LRBA: variants seen among roughly 807,000 people sequenced by gnomAD.
LRBA encodes LPS responsive beige-like anchor protein.
In LRBA, 176 loss-of-function variants were observed where a neutral mutation model predicts 330.0. The ratio of observed to expected loss-of-function variants is 0.53; its 90% confidence interval spans 0.47 to 0.60. The LOEUF is 0.60. LRBA is among the 20% of genes least tolerant of loss of function. The pLI, the probability that LRBA is intolerant of heterozygous loss-of-function variation, is 0.00. For missense variants in LRBA, 3,259 were observed against 3,444.8 expected, an observed-to-expected ratio of 0.95 and a Z score of 1.35; for synonymous variants, 1,230 against 1,193.0, an observed-to-expected ratio of 1.03 and a Z score of -0.64.
chr4:150,501,850 T>C (rs1760323973), intron 40 of LRBA, among the ~76,000 whole-genome samples: 1 of 152,106 alleles, frequency 6.6e-6, no homozygotes, highest in African/African-American at 2.4e-5. Context: ...ATATTAAATA[T>C]TAAGCAATAA....
chr4:150,874,824 C>G (rs1418852031), intron 17 of LRBA, among the ~76,000 whole-genome samples: 6 of 152,128 alleles, frequency 3.9e-5, no homozygotes, highest in Admixed American at 3.9e-4. Flanking sequence ...GAGCCCTATT[C>G]CACGTGGTGC....
chr4:150,958,065 C>A, intron 2 of LRBA, among the ~76,000 whole-genome samples: 1 of 149,164 alleles, frequency 6.7e-6, no homozygotes, highest in East Asian at 1.9e-4. Context: ...TTGTGGCCCT[C>A]TTCTCACAGC....
intron 17 of LRBA, among the ~76,000 whole-genome samples, chr4:150,879,389 G>A (rs1319629840): frequency 6.6e-6 from 1 of 152,052 alleles, no homozygotes; most frequent in Non-Finnish European, 1.5e-5. Flanking sequence ...GAGCCATCTA[G>A]GGTAAACCCA....
rs190606923 is a variant in LRBA, at chr4:150,306,590, C to G, written c.7849+3639G>C. On this transcript the variant is annotated intron_variant, in intron 52 of 56. Transcript: ENST00000651943. ...TATTTCACAAGCTAAGTCAGTCCCA[C>G]TGAAATGAAGTTTAAGGCTATTCCT... Among the ~76,000 whole-genome samples the G allele has an allele frequency of 2.2e-3, 341 of 152,198 alleles. 1 individual carries two copies. Among genetic ancestry groups the G allele is most frequent in the Non-Finnish European group, 3.8e-3 (260 of 68,022 alleles).
chr4:150,890,390 C>T (rs574868084), intron 17 of LRBA, among the ~76,000 whole-genome samples: 43 of 152,014 alleles, frequency 2.8e-4, no homozygotes, highest in South Asian at 4.2e-4. Context: ...CAAGGGCAGA[C>T]GGGAGTTTTT....
intron 40 of LRBA, among the ~76,000 whole-genome samples, chr4:150,543,263 A>G (rs756260670): frequency 2.0e-5 from 3 of 152,166 alleles, no homozygotes; most frequent in Non-Finnish European, 4.4e-5. Context: ...GAACTCCTAT[A>G]TCTTGTTGCC....
intron 2 of LRBA, among the ~76,000 whole-genome samples, chr4:150,973,966 T>C (rs1269171232): frequency 6.6e-6 from 1 of 152,148 alleles, no homozygotes; most frequent in East Asian, 1.9e-4. Context: ...AGATCAAATA[T>C]AAGACGCACT....
intron 37 of LRBA, among the ~76,000 whole-genome samples, chr4:150,667,466 T>G (rs2126851736): frequency 6.6e-6 from 1 of 152,242 alleles, no homozygotes; most frequent in South Asian, 2.1e-4. Context: ...GAAGAAGCCA[T>G]GAACCAAGGA....
intron 37 of LRBA, among the ~76,000 whole-genome samples, chr4:150,645,128 T>C (rs1210127309): frequency 1.4e-5 from 2 of 147,416 alleles, no homozygotes. Context: ...TTTCTTGAGA[T>C]CCTGTCTCAA....
chr4:150,448,738 G>T (rs1014594466), intron 44 of LRBA, among the ~76,000 whole-genome samples: 1 of 139,818 alleles, frequency 7.2e-6, no homozygotes, highest in Non-Finnish European at 1.5e-5. Context: ...GAAGGCAGAG[G>T]TTGCAGTGAG....
chr4:150,770,081 C>T (rs948853621), intron 34 of LRBA, among the ~76,000 whole-genome samples: 1 of 152,074 alleles, frequency 6.6e-6, no homozygotes, highest in African/African-American at 2.4e-5. Flanking sequence ...CATCAATCAC[C>T]CGATTTGTTG....
chr4:150,278,143 G>GT (rs1747048913), intron 55 of LRBA, 139 bp from the exon 56 acceptor site: 3 of 683,762 alleles, frequency 4.4e-6, no homozygotes, highest in East Asian at 5.7e-5. Context: ...TTAGAAAATC[G>GT]TGAGTTGTAG....
At chr4:150,341,710 T>A (rs893390786) in intron 48 of LRBA, among the ~76,000 whole-genome samples, 4 of 151,274 alleles carry the variant, frequency 2.6e-5, no homozygotes, top group Middle Eastern at 3.4e-3. Context: ...GCCATATATA[T>A]AATATATATA....
At chr4:150,631,676 G>A (rs954443799) in intron 37 of LRBA, among the ~76,000 whole-genome samples, 1 of 152,136 alleles carries the variant, frequency 6.6e-6, no homozygotes, top group African/African-American at 2.4e-5. Flanking sequence ...AAACTTACAG[G>A]TGAGGGATAT....
At chr4:150,740,553 C>T (rs1731806442) in intron 35 of LRBA, among the ~76,000 whole-genome samples, 1 of 147,436 alleles carries the variant, frequency 6.8e-6, no homozygotes, top group South Asian at 2.1e-4. Flanking sequence ...TTTTTAAATA[C>T]TATTTTGAAA....
intron 47 of LRBA, among the ~76,000 whole-genome samples, chr4:150,360,365 T>C (rs1738521737): frequency 6.6e-6 from 1 of 151,844 alleles, no homozygotes; most frequent in Non-Finnish European, 1.5e-5. Flanking sequence ...TAATATTTTA[T>C]CAAGAATATA....
intron 26 of LRBA, among the ~76,000 whole-genome samples, chr4:150,846,704 G>C (rs1415312077): frequency 6.6e-6 from 1 of 151,926 alleles, no homozygotes; most frequent in East Asian, 1.9e-4. Context: ...AATTGCACTT[G>C]TACCCCATAA....
intron 44 of LRBA, among the ~76,000 whole-genome samples, chr4:150,466,993 A>T (rs1210316718): frequency 1.3e-5 from 2 of 152,124 alleles, no homozygotes; most frequent in Non-Finnish European, 2.9e-5. Flanking sequence ...ATGATTCTGT[A>T]TCTGGGCCAG....
intron 37 of LRBA, among the ~76,000 whole-genome samples, chr4:150,658,515 C>G (rs1199056719): frequency 0.49 from 231 of 468 alleles, 6 homozygotes; most frequent in African/African-American, 0.5. Flanking sequence ...GTCTCCCTCT[C>G]CCTCTCCCTC....
Sources: gnomAD v4.1 joint callset for allele counts (sites outside exome capture counted in the v4.1 genomes callset) on GRCh38, gnomAD v4.1.1 for gene constraint, MANE v1.5 for transcripts, NCBI Gene and HGNC (gene_info 2026-07-23, HGNC 2026-07-21) for gene names.